The following CORO2B variants were observed in gnomAD, a reference collection of about 807,000 sequenced individuals.
The protein encoded by CORO2B is coronin-2B.
A neutral mutation model predicts 58.8 loss-of-function variants in CORO2B; 26 were observed. That is an observed-to-expected ratio of 0.44 (90% CI 0.32 to 0.61). The LOEUF (loss-of-function observed/expected upper bound fraction) is 0.61. Among genes scored for constraint, CORO2B ranks in the 20% least tolerant of loss-of-function variants. The pLI is 0.04. For missense variants in CORO2B, 460 were observed against 645.1 expected (o/e 0.71, Z 3.11); for synonymous variants, 242 against 253.8 (o/e 0.95, Z 0.44).
chr15:68,560,665 C>T, the CORO2B span, among the ~76,000 whole-genome samples: 9 of 152,204 alleles, frequency 5.9e-5, no homozygotes, highest in Non-Finnish European at 8.8e-5. Context: ...TCTCTAAGCA[C>T]TGTCCTCCAC....
At chr15:68,598,611 G>A (rs1899898447) in intron 1 of CORO2B, among the ~76,000 whole-genome samples, 1 of 152,032 alleles carries the variant, frequency 6.6e-6, no homozygotes, top group African/African-American at 2.4e-5. Flanking sequence ...TCCTGCCCTG[G>A]AGCCCGCTTG....
chr15:68,707,866 A>G (rs968862592), intron 3 of CORO2B, among the ~76,000 whole-genome samples: 1 of 151,934 alleles, frequency 6.6e-6, no homozygotes, highest in Non-Finnish European at 1.5e-5. Context: ...TCATCCCTGA[A>G]CGCCCTGGTG....
chr15:68,619,727 A>C (rs1444816755), intron 1 of CORO2B, among the ~76,000 whole-genome samples: 16 of 151,790 alleles, frequency 1.1e-4, no homozygotes, highest in Admixed American at 1.0e-3. Flanking sequence ...ATATATGTAC[A>C]TGTACATATA....
intron 3 of CORO2B, among the ~76,000 whole-genome samples, chr15:68,705,365 G>C (rs1007171563): frequency 6.6e-6 from 1 of 150,690 alleles, no homozygotes; most frequent in African/African-American, 2.5e-5. Flanking sequence ...TTGAACCCAG[G>C]GGATGGAGGT....
At chr15:68,716,450 C>T (rs1893033930) in intron 8 of CORO2B, among the ~76,000 whole-genome samples, 1 of 152,236 alleles carries the variant, frequency 6.6e-6, no homozygotes, top group South Asian at 2.1e-4. Context: ...TATTGACCTC[C>T]AGCTGTGTAC....
At chr15:68,624,823 C>T (rs776823851) in intron 1 of CORO2B, among the ~76,000 whole-genome samples, 34 of 152,210 alleles carry the variant, frequency 2.2e-4, no homozygotes, top group South Asian at 4.1e-4. Context: ...GCTGGGATTA[C>T]GGGTGCCTAC....
At chr15:68,541,660 T>A in the CORO2B span, among the ~76,000 whole-genome samples, 2 of 152,232 alleles carry the variant, frequency 1.3e-5, no homozygotes, top group South Asian at 4.1e-4. Context: ...CAGTGCCCTA[T>A]GAATTATGAG....
At chr15:68,598,715 C>T (rs1899901497) in intron 1 of CORO2B, among the ~76,000 whole-genome samples, 1 of 152,220 alleles carries the variant, frequency 6.6e-6, no homozygotes, top group Non-Finnish European at 1.5e-5. Context: ...CTGTGCCTTC[C>T]CATCTCTTTG....
chr15:68,599,763 G>T (rs1168926449), intron 1 of CORO2B, among the ~76,000 whole-genome samples: 1 of 152,204 alleles, frequency 6.6e-6, no homozygotes, highest in Non-Finnish European at 1.5e-5. Flanking sequence ...TCCCCTGGGA[G>T]GCTGCCACAT....
At chr15:68,540,351 C>T in the CORO2B span, among the ~76,000 whole-genome samples, 2 of 152,202 alleles carry the variant, frequency 1.3e-5, no homozygotes, top group Non-Finnish European at 1.5e-5. Context: ...TGCAAGTTTT[C>T]CAAAATTCTA....
chr15:68,528,387 A>G, the CORO2B span, among the ~76,000 whole-genome samples: 3 of 152,238 alleles, frequency 2.0e-5, no homozygotes, highest in Non-Finnish European at 4.4e-5. Context: ...CTCTGCATCT[A>G]TTGAGATGGA....
chr15:68,710,387 C>A lies in CORO2B; in HGVS notation c.334-345C>A, dbSNP rs1345359362. Among the ~76,000 whole-genome samples the A allele has an allele frequency of 1.3e-5, 2 of 152,210 alleles. No individual in the cohort carries two copies. The highest frequency in any genetic ancestry group is 4.8e-5 in the African/African-American group (2 of 41,464). Reference sequence around the variant, plus strand: ...TCCTAGAAGGATGTGGCATGTGAAGCAAGGATAGGCTTTTTAACACAACAT... The same window carrying A: ...TCCTAGAAGGATGTGGCATGTGAAGAAAGGATAGGCTTTTTAACACAACAT... On this transcript the variant is annotated intron_variant, in intron 3 of 11. Coordinates refer to ENST00000261861, the MANE Select transcript of CORO2B (RefSeq NM_006091.5). This position sits in a 1 kb window ranked among gnomAD's most constrained non-coding sequence, Gnocchi z 4.1.
chr15:68,622,024 A>C (rs1165476775), intron 1 of CORO2B, among the ~76,000 whole-genome samples: 1 of 152,096 alleles, frequency 6.6e-6, no homozygotes, highest in Non-Finnish European at 1.5e-5. Flanking sequence ...CCCCTAAGTG[A>C]TCTCCCGATC....
intron 1 of CORO2B, among the ~76,000 whole-genome samples, chr15:68,635,025 G>A (rs535777825): frequency 6.6e-6 from 1 of 152,290 alleles, no homozygotes; most frequent in Admixed American, 6.5e-5. Context: ...GGCTGGAAGT[G>A]GGGCCCGGGA....
intron 1 of CORO2B, among the ~76,000 whole-genome samples, chr15:68,627,396 G>T (rs967319649): frequency 6.6e-6 from 1 of 152,176 alleles, no homozygotes; most frequent in African/African-American, 2.4e-5. Context: ...GTGCAGGTGG[G>T]TCCCCAGGAA....
At chr15:68,690,218 G>A (rs984101499) in intron 2 of CORO2B, among the ~76,000 whole-genome samples, 8 of 152,122 alleles carry the variant, frequency 5.3e-5, no homozygotes, top group Non-Finnish European at 1.2e-4. Flanking sequence ...CACCAAAATT[G>A]GCAAACGCTA....
the CORO2B span, among the ~76,000 whole-genome samples, chr15:68,532,263 T>C: frequency 6.6e-6 from 1 of 152,166 alleles, no homozygotes; most frequent in Non-Finnish European, 1.5e-5. Context: ...TTTTTCTTTC[T>C]TCTGGTACTT....
chr15:68,704,471 G>A (rs1268188900), intron 3 of CORO2B, among the ~76,000 whole-genome samples: 1 of 152,026 alleles, frequency 6.6e-6, no homozygotes, highest in African/African-American at 2.4e-5. Context: ...AGAAACTTGG[G>A]GAAAATCTCA....
the CORO2B span, among the ~76,000 whole-genome samples, chr15:68,558,451 T>C: frequency 2.6e-5 from 4 of 152,168 alleles, no homozygotes; most frequent in Non-Finnish European, 5.9e-5. Flanking sequence ...CACTGCAGCC[T>C]CAGTGACCTC....
Sources: gnomAD v4.1 joint callset for allele counts (sites outside exome capture counted in the v4.1 genomes callset) on GRCh38, gnomAD v4.1.1 for gene constraint, Gnocchi (gnomAD v3.1) non-coding constraint, MANE v1.5 for transcripts, NCBI Gene and HGNC (gene_info 2026-07-23, HGNC 2026-07-21) for gene names.